Variants in VTI1A observed in about 807,000 individuals in gnomAD.
The protein encoded by VTI1A is vesicle transport through interaction with t-SNAREs 1A, also known as vesicle transport through interaction with t-SNAREs homolog 1A.
Under a neutral mutation model 34.9 loss-of-function variants are expected in VTI1A, and 22 were observed. The observed-to-expected ratio is 0.63, with a 90% confidence interval of 0.45 to 0.90. The LOEUF is 0.90. Ranked by LOEUF, VTI1A falls within the 40% of genes least tolerant of loss-of-function variation. VTI1A has a pLI of 0.00. For missense variants in VTI1A, 268 were observed against 275.6 expected (o/e 0.97, Z 0.20); for synonymous variants, 87 against 97.3 (o/e 0.89, Z 0.62).
intron 1 of VTI1A, among the ~76,000 whole-genome samples, chr10:112,456,186 C>T (rs1006252667): frequency 1.3e-5 from 2 of 152,028 alleles, no homozygotes; most frequent in Admixed American, 6.6e-5. Flanking sequence ...TTTGGGAGGC[C>T]GAGGCAGGTG....
At chr10:112,545,975 CGT>C in intron 5 of VTI1A, among the ~76,000 whole-genome samples, 1 of 137,682 alleles carries the variant, frequency 7.3e-6, no homozygotes, top group South Asian at 2.2e-4. Flanking sequence ...CGTGTATACA[CGT>C]ATGTGTGTGT....
intron 7 of VTI1A, among the ~76,000 whole-genome samples, chr10:112,804,070 A>G (rs999548472): frequency 5.9e-5 from 9 of 152,214 alleles, no homozygotes; most frequent in Non-Finnish European, 1.0e-4. Flanking sequence ...CATAGAGTGC[A>G]ATGTAACTAC....
At chr10:112,850,776 A>G in the VTI1A span, among the ~76,000 whole-genome samples, 1 of 152,238 alleles carries the variant, frequency 6.6e-6, no homozygotes, top group Admixed American at 6.5e-5. Flanking sequence ...AAAAACAACT[A>G]AAACTTTGAA....
rs1850722008 is a variant in VTI1A, at chr10:112,538,203, T to TC, written c.343-43_343-42insC. On this transcript the variant is annotated intron_variant, in intron 4 of 7. Coordinates refer to ENST00000393077, the MANE Select transcript of VTI1A (RefSeq NM_145206.4). ...TTTTAAGGCAAAAAAAAGAACATTG[T>TC]AGACGGCCGTCTGATTTTTTTTTCC... 5.7e-6 allele frequency: 9 copies of TC among 1,571,048 alleles called. No individual in the cohort carries two copies. In the South Asian group the frequency reaches 1.0e-4, roughly 18 times the overall value.
chr10:112,661,547 G>T (rs2133821981), intron 5 of VTI1A, among the ~76,000 whole-genome samples: 1 of 152,192 alleles, frequency 6.6e-6, no homozygotes, highest in Middle Eastern at 3.4e-3. Flanking sequence ...GCTTAGTTCT[G>T]CTGGGTAATA....
the VTI1A span, among the ~76,000 whole-genome samples, chr10:112,846,700 A>G: frequency 6.7e-6 from 1 of 149,906 alleles, no homozygotes; most frequent in Non-Finnish European, 1.5e-5. Context: ...CAGGAGGCGG[A>G]GCTTGCAGTG....
chr10:112,673,468 G>GTGCACACACA (rs1554938763), intron 7 of VTI1A, among the ~76,000 whole-genome samples: 4 of 151,562 alleles, frequency 2.6e-5, no homozygotes, highest in Admixed American at 1.3e-4. Flanking sequence ...GCGTGCGCGC[G>GTGCACACACA]CACACACACA....
intron 3 of VTI1A, among the ~76,000 whole-genome samples, chr10:112,495,388 T>A (rs1848981163): frequency 6.6e-6 from 1 of 152,134 alleles, no homozygotes; most frequent in Admixed American, 6.5e-5. Flanking sequence ...TAATTCAATC[T>A]GTGAATGTTT....
intron 7 of VTI1A, among the ~76,000 whole-genome samples, chr10:112,697,588 G>T (rs1848841002): frequency 6.6e-6 from 1 of 151,742 alleles, no homozygotes; most frequent in Admixed American, 6.6e-5. Flanking sequence ...TAGAGACAGG[G>T]TTTCTCCATG....
intron 5 of VTI1A, among the ~76,000 whole-genome samples, chr10:112,603,767 C>T (rs1589962223): frequency 1.3e-5 from 2 of 152,308 alleles, no homozygotes; most frequent in East Asian, 1.9e-4. Flanking sequence ...TAGCAACCCA[C>T]TCCCTCCCAA....
chr10:112,711,928 C>T (rs1267863188), intron 7 of VTI1A, among the ~76,000 whole-genome samples: 1 of 152,148 alleles, frequency 6.6e-6, no homozygotes, highest in African/African-American at 2.4e-5. Context: ...GTTCTCTGTC[C>T]ATTCTCTAGC....
At chr10:112,789,047 C>A (rs1454933139) in intron 7 of VTI1A, among the ~76,000 whole-genome samples, 1 of 152,064 alleles carries the variant, frequency 6.6e-6, no homozygotes, top group Non-Finnish European at 1.5e-5. Context: ...GCTGTGCAAT[C>A]TAATGGTTTT....
At chr10:112,733,191 T>A (rs1232039523) in intron 7 of VTI1A, among the ~76,000 whole-genome samples, 1 of 152,248 alleles carries the variant, frequency 6.6e-6, no homozygotes, top group East Asian at 1.9e-4. Flanking sequence ...TTTGATTTTT[T>A]ATTTTTGGTT....
At chr10:112,778,152 C>A (rs577224683) in intron 7 of VTI1A, among the ~76,000 whole-genome samples, 2 of 152,176 alleles carry the variant, frequency 1.3e-5, no homozygotes, top group African/African-American at 4.8e-5. Flanking sequence ...TCCGTAATAG[C>A]CTTATGGAGC....
intron 7 of VTI1A, among the ~76,000 whole-genome samples, chr10:112,780,119 A>T (rs1590177502): frequency 6.6e-6 from 1 of 150,730 alleles, no homozygotes; most frequent in Non-Finnish European, 1.5e-5. Flanking sequence ...TCTTAAAAAA[A>T]AAAAAAAAAA....
chr10:112,709,682 C>CCTTTTTTT, intron 7 of VTI1A, among the ~76,000 whole-genome samples: 1 of 70,284 alleles, frequency 1.4e-5, no homozygotes, highest in African/African-American at 6.5e-5. Context: ...CTCTATGTGG[C>CCTTTTTTT]TTTTTTTTTT....
chr10:112,575,902 C>A (rs1843686527), intron 5 of VTI1A, among the ~76,000 whole-genome samples: 1 of 152,042 alleles, frequency 6.6e-6, no homozygotes, highest in Admixed American at 6.6e-5. Flanking sequence ...AGAATAGCTT[C>A]CAATTAGCAA....
chr10:112,501,534 A>G (rs1849234226), intron 3 of VTI1A, among the ~76,000 whole-genome samples: 1 of 152,176 alleles, frequency 6.6e-6, no homozygotes, highest in Non-Finnish European at 1.5e-5. Context: ...TCCACTTCTG[A>G]TCAACATTTT....
chr10:112,499,188 A>G (rs1319309698), intron 3 of VTI1A, among the ~76,000 whole-genome samples: 2 of 152,174 alleles, frequency 1.3e-5, no homozygotes, highest in African/African-American at 4.8e-5. Flanking sequence ...ACTATGATAG[A>G]TATCATACCT....
Sources: allele counts gnomAD v4.1 joint callset (sites outside exome capture counted in the v4.1 genomes callset), GRCh38; gene constraint gnomAD v4.1.1; transcripts MANE v1.5; gene names NCBI Gene and HGNC (gene_info 2026-07-23, HGNC 2026-07-21).